RBM27: variants seen among roughly 807,000 people sequenced by gnomAD.
The protein encoded by RBM27 is RNA-binding protein 27.
In RBM27, 22 loss-of-function variants were observed where a neutral mutation model predicts 135.3. That is an observed-to-expected ratio of 0.16 (90% confidence interval 0.12 to 0.23). RBM27 has a LOEUF of 0.23. Ranked by LOEUF, RBM27 falls within the 10% of genes least tolerant of loss-of-function variation. The pLI, the probability that RBM27 is intolerant of heterozygous loss-of-function variation, is 1.00. For synonymous variants in RBM27, 481 were observed against 442.4 expected (o/e 1.09, Z -1.10); for missense variants, 1,009 against 1,281.0 (o/e 0.79, Z 3.24).
intron 6 of RBM27, among the ~76,000 whole-genome samples, chr5:146,231,721 G>A (rs1020496291): frequency 5.3e-5 from 8 of 151,966 alleles, no homozygotes; most frequent in South Asian, 2.1e-4. Flanking sequence ...AAGTTGAAGC[G>A]ATTTTCCTGC....
intron 2 of RBM27, among the ~76,000 whole-genome samples, chr5:146,222,685 AAAAC>A (rs777806581): frequency 6.6e-5 from 10 of 152,222 alleles, no homozygotes; most frequent in Non-Finnish European, 1.0e-4. Flanking sequence ...TTCTGTCTCA[AAAAC>A]AAACAAACAA....
chr5:146,223,608 A>G, intron 3 of RBM27, 81 bp downstream of exon 3: 8 of 1,459,020 alleles, frequency 5.5e-6, no homozygotes, highest in Non-Finnish European at 7.3e-6. Context: ...TGAGCCTTTT[A>G]AAAGTAATTG....
chr5:146,250,820 A>G (rs1757852927), intron 8 of RBM27, among the ~76,000 whole-genome samples: 1 of 115,014 alleles, frequency 8.7e-6, no homozygotes, highest in Non-Finnish European at 1.6e-5. Flanking sequence ...TCTGTCGCCT[A>G]GGTTGGAGTG....
chr5:146,232,210 A>G lies in RBM27; in HGVS notation c.851-1240A>G, dbSNP rs530708713. Among the ~76,000 whole-genome samples the G allele has an allele frequency of 2.0e-5, 3 of 152,164 alleles. No individual in the cohort carries two copies. The South Asian group carries it at 6.2e-4, about 32-fold the overall frequency. On this transcript the variant is annotated intron_variant, in intron 6 of 20. Transcript: ENST00000265271. ...TTTCAAGCAAGTCACAGACATCATA[A>G]TTTTTTTCTATAAATACAGAATGCA...
chr5:146,265,323 A>G (rs1019523913), intron 14 of RBM27, among the ~76,000 whole-genome samples: 2 of 152,210 alleles, frequency 1.3e-5, no homozygotes, highest in African/African-American at 4.8e-5. Context: ...ATTAAGTAAA[A>G]AAGCAAAATG....
In RBM27 at chr5:146,242,216, T is replaced by G. The variant is rs547314069; in HGVS notation, c.1279+4784T>G. 3.3e-5 allele frequency among the ~76,000 whole-genome samples: 5 copies of G among 152,354 alleles called. No individual in the cohort carries two copies. The East Asian group carries it at 9.6e-4, about 29-fold the overall frequency. ...CCCAAAGTGGGTAGGATTGTAGGCATGAGCCACCATGCCTGACTTAATCTT... is the reference window on the plus strand; with the variant it reads ...CCCAAAGTGGGTAGGATTGTAGGCAGGAGCCACCATGCCTGACTTAATCTT... On this transcript the variant is annotated intron_variant, in intron 8 of 20. Coordinates refer to ENST00000265271, the MANE Select transcript of RBM27 (RefSeq NM_018989.2).
intron 8 of RBM27, among the ~76,000 whole-genome samples, chr5:146,239,782 T>TC (rs1757325736): frequency 6.7e-6 from 1 of 149,224 alleles, no homozygotes; most frequent in African/African-American, 2.5e-5. Flanking sequence ...GGACTTTTTT[T>TC]TTTTTTTTTT....
At chr5:146,279,403 C>T (rs1249312867) in intron 19 of RBM27, among the ~76,000 whole-genome samples, 3 of 151,166 alleles carry the variant, frequency 2.0e-5, no homozygotes, top group African/African-American at 7.3e-5. Flanking sequence ...GCCGAGATCG[C>T]GCCACTGCAC....
At chr5:146,242,323 G>A (rs774971726) in intron 8 of RBM27, among the ~76,000 whole-genome samples, 12 of 152,166 alleles carry the variant, frequency 7.9e-5, no homozygotes, top group Non-Finnish European at 1.3e-4. Context: ...TTTCCCCTTA[G>A]CATTTGTGAA....
intron 7 of RBM27, among the ~76,000 whole-genome samples, chr5:146,234,834 G>A (rs1169874261): frequency 6.6e-6 from 1 of 151,932 alleles, no homozygotes; most frequent in Non-Finnish European, 1.5e-5. Context: ...TGGAGTTCGA[G>A]ACCAGCCTGG....
chr5:146,287,263 C>G lies in RBM27; in HGVS notation c.*1233C>G, dbSNP rs1759621321. On this transcript the variant is annotated 3_prime_UTR_variant, in exon 21 of 21. Coordinates refer to ENST00000265271, the MANE Select transcript of RBM27 (RefSeq NM_018989.2). Reference sequence around the variant, plus strand: ...GCTATCCATGAACATACGCATCCCTCAGTAGACAGTTTCCTTTACTGTGTG... The same window carrying G: ...GCTATCCATGAACATACGCATCCCTGAGTAGACAGTTTCCTTTACTGTGTG... 1 of 152,252 alleles carries G rather than the reference C, an allele frequency of 6.6e-6. No homozygotes were observed. Among genetic ancestry groups the G allele is most frequent in the Non-Finnish European group, 1.5e-5 (1 of 68,010 alleles). The allele number at this position is 152,252 out of a possible 1,614,324, so 9.4% of individuals were successfully genotyped here. A position where few individuals can be genotyped will look rare whatever the true frequency, so the allele number is the denominator to read the frequency against.
In RBM27 at chr5:146,211,523, C is replaced by T. The variant is rs1030899974; in HGVS notation, c.60-7462C>T. ...TTGAGAGGAGTTTCGCTCTTGTTGC[C>T]GAGGCTGGAGTGCAATGGCATGATC... On this transcript the variant is annotated intron_variant, in intron 1 of 20. Transcript: ENST00000265271. Among the ~76,000 whole-genome samples, 5 of 111,252 alleles carry T rather than the reference C, an allele frequency of 4.5e-5. No homozygotes were observed. In the South Asian group the frequency reaches 1.2e-3, roughly 26 times the overall value. 73.0% of individuals were successfully genotyped at this position (111,252 alleles called of 152,430 possible).
Position 146,261,793 on chromosome 5 carries a change from G to A in RBM27, c.2177G>A (p.Gly726Glu), listed in dbSNP as rs1758410900. 6.2e-7 allele frequency: 1 copy of A among 1,614,160 alleles called. No homozygotes were observed. Among genetic ancestry groups the A allele is most frequent in the South Asian group, 1.1e-5 (1 of 91,084 alleles). Residue 726 changes from glycine to glutamate, a missense_variant, in exon 13 of 21, where the codon GGA (glycine) becomes GAA (glutamate). This residue lies in a region of RBM27 where 355 missense variants were observed against 427.3 expected (regional missense o/e 0.83). Coordinates refer to ENST00000265271, the MANE Select transcript of RBM27 (RefSeq NM_018989.2). ...CAGTCTGCTCCTTCAACAGTGCACGGAGGTATCCAGAAGGTAATCTGGTTC... is the reference window on the plus strand; with the variant it reads ...CAGTCTGCTCCTTCAACAGTGCACGAAGGTATCCAGAAGGTAATCTGGTTC... ...VAQSAPSTVHGGIQKMMSKPQ... is the reference protein window; with the variant it reads ...VAQSAPSTVHEGIQKMMSKPQ...
chr5:146,224,758 C>T (rs900594110), intron 3 of RBM27, among the ~76,000 whole-genome samples: 3 of 151,988 alleles, frequency 2.0e-5, no homozygotes, highest in South Asian at 2.1e-4. Context: ...CTTTTCTTTT[C>T]GATGGAGTTG....
In RBM27 at chr5:146,271,449, T is replaced by G. The variant is rs2895653; in HGVS notation, c.2797-34T>G. On this transcript the variant is annotated intron_variant, in intron 18 of 20. Coordinates refer to ENST00000265271, the MANE Select transcript of RBM27 (RefSeq NM_018989.2). The stretch of plus-strand genomic sequence containing the variant: ...TTGTTTTTAAGGTTTAGTCTAATAA[T>G]GTATGCTACATTCTACTTTTTGTTG... 1.1e-5 allele frequency: 17 copies of G among 1,534,234 alleles called. No homozygotes were observed. The Admixed American group carries it at 1.7e-4, about 15-fold the overall frequency.
intron 8 of RBM27, among the ~76,000 whole-genome samples, chr5:146,248,125 A>G (rs533376440): frequency 7.9e-5 from 12 of 151,614 alleles, no homozygotes; most frequent in Admixed American, 5.9e-4. Context: ...ATCATTATGA[A>G]CTCATGAATT....
chr5:146,215,946 TCA>T (rs1466080295), intron 1 of RBM27, among the ~76,000 whole-genome samples: 1 of 152,074 alleles, frequency 6.6e-6, no homozygotes, highest in East Asian at 1.9e-4. Flanking sequence ...AGACGGGATT[TCA>T]CCATTTGGGT....
chr5:146,259,826 A>G, intron 11 of RBM27, among the ~76,000 whole-genome samples: 1 of 147,348 alleles, frequency 6.8e-6, no homozygotes, highest in African/African-American at 2.6e-5. Flanking sequence ...ACAAAAAATT[A>G]GCCGGGCGCA....
chr5:146,246,158 G>A (rs1315565581), intron 8 of RBM27, among the ~76,000 whole-genome samples: 1 of 152,122 alleles, frequency 6.6e-6, no homozygotes, highest in Non-Finnish European at 1.5e-5. Context: ...TAATCAAGAA[G>A]ACACATAAAT....
Sources: allele counts gnomAD v4.1 joint callset (sites outside exome capture counted in the v4.1 genomes callset), GRCh38; gene constraint gnomAD v4.1.1; regional missense constraint gnomAD v4.1.1; transcripts MANE v1.5; gene names NCBI Gene and HGNC (gene_info 2026-07-23, HGNC 2026-07-21).